The following PLCG2 variants were observed in gnomAD, a reference collection of about 807,000 sequenced individuals.
PLCG2 encodes 1-phosphatidylinositol 4,5-bisphosphate phosphodiesterase gamma-2.
Under a neutral mutation model 175.6 loss-of-function variants are expected in PLCG2, and 69 were observed. The observed-to-expected ratio is 0.39, with a 90% CI of 0.32 to 0.48. The LOEUF is 0.48. PLCG2 is among the 20% of genes least tolerant of loss of function. The pLI, the probability that PLCG2 is intolerant of heterozygous loss-of-function variation, is 0.91. For missense variants in PLCG2, 1,798 were observed against 1,650.9 expected, an observed-to-expected ratio of 1.09 and a Z score of -1.54; for synonymous variants, 827 against 624.0, an observed-to-expected ratio of 1.33 and a Z score of -4.85.
chr16:81,828,820 T>C (rs1015941683), intron 2 of PLCG2, among the ~76,000 whole-genome samples: 3 of 152,164 alleles, frequency 2.0e-5, no homozygotes, highest in African/African-American at 7.2e-5. Flanking sequence ...TCAACAAATG[T>C]GAATTTATTT....
intron 15 of PLCG2, chr16:81,906,233 C>T (rs1331948819): frequency 6.6e-6 from 1 of 152,220 alleles, no homozygotes; most frequent in East Asian, 1.9e-4. Context: ...GTACCCGGTG[C>T]TGCCGTGCAT....
intron 2 of PLCG2, among the ~76,000 whole-genome samples, chr16:81,819,602 T>A (rs1052988280): frequency 6.6e-6 from 1 of 152,220 alleles, no homozygotes; most frequent in Non-Finnish European, 1.5e-5. Context: ...TATTATTTTT[T>A]GAGACCAAGC....
At chr16:81,885,966 T>C (rs969077730) in intron 9 of PLCG2, among the ~76,000 whole-genome samples, 6 of 152,188 alleles carry the variant, frequency 3.9e-5, no homozygotes, top group African/African-American at 1.4e-4. Context: ...AGGTAATAAG[T>C]TAATTTTATT....
Position 81,934,454 on chromosome 16 carries a change from A to G in PLCG2, c.2765A>G (p.Lys922Arg). 2 of 1,613,094 alleles carry G rather than the reference A, an allele frequency of 1.2e-6. No homozygotes were observed. Among genetic ancestry groups the G allele is most frequent in the Non-Finnish European group, 1.7e-6 (2 of 1,179,150 alleles). Residue 922 changes from lysine to arginine, a missense_variant, in exon 26 of 33, where the codon AAG becomes AGG. Transcript: ENST00000564138. ...GAGAACAACATGAAGTACTGGGAGAAGAACCAGTCCATCGCCATCGAGCTC... is the reference window on the plus strand; with the variant it reads ...GAGAACAACATGAAGTACTGGGAGAGGAACCAGTCCATCGCCATCGAGCTC... ...TKENNMKYWEKNQSIAIELSD... is the reference protein window; with the variant it reads ...TKENNMKYWERNQSIAIELSD...
chr16:81,831,609 G>A (rs1036576199), intron 2 of PLCG2, among the ~76,000 whole-genome samples: 9 of 152,152 alleles, frequency 5.9e-5, no homozygotes, highest in Admixed American at 1.3e-4. Context: ...TGGGAAAGAG[G>A]GAGGCAGGTA....
chr16:81,923,884 G>C (rs945163166), intron 22 of PLCG2, among the ~76,000 whole-genome samples: 3 of 152,208 alleles, frequency 2.0e-5, no homozygotes, highest in Non-Finnish European at 4.4e-5. Context: ...CAAGCAGTCT[G>C]CTAATTGCTT....
intron 2 of PLCG2, among the ~76,000 whole-genome samples, chr16:81,797,407 C>T (rs1197324074): frequency 6.6e-6 from 1 of 152,138 alleles, no homozygotes; most frequent in Non-Finnish European, 1.5e-5. Flanking sequence ...AGGTGCTGTG[C>T]AGTTTGGGGT....
At chr16:81,783,734 A>C (rs1910847674) in intron 1 of PLCG2, among the ~76,000 whole-genome samples, 1 of 152,220 alleles carries the variant, frequency 6.6e-6, no homozygotes, top group Admixed American at 6.5e-5. Flanking sequence ...GAAATGGACC[A>C]TGGGGGCACC....
chr16:81,830,640 T>A (rs1905221837), intron 2 of PLCG2, among the ~76,000 whole-genome samples: 1 of 130,304 alleles, frequency 7.7e-6, no homozygotes, highest in Non-Finnish European at 1.6e-5. Flanking sequence ...AACAAAAAAA[T>A]GTGTGGGGTG....
intron 31 of PLCG2, among the ~76,000 whole-genome samples, chr16:81,948,469 G>T (rs908289931): frequency 3.3e-5 from 5 of 152,196 alleles, no homozygotes; most frequent in African/African-American, 1.2e-4. Context: ...TTTGTGCTGG[G>T]TAGGAGCTAA....
intron 7 of PLCG2, among the ~76,000 whole-genome samples, chr16:81,872,719 C>T (rs890636376): frequency 6.6e-6 from 1 of 152,192 alleles, no homozygotes; most frequent in Non-Finnish European, 1.5e-5. Flanking sequence ...TTGGGGAGTA[C>T]CTGGAACTTG....
chr16:81,819,805 C>T (rs762950045), intron 2 of PLCG2, among the ~76,000 whole-genome samples: 2 of 152,086 alleles, frequency 1.3e-5, no homozygotes, highest in African/African-American at 2.4e-5. Flanking sequence ...AGGCTGGTCT[C>T]GAACTCCTGA....
intron 2 of PLCG2, among the ~76,000 whole-genome samples, chr16:81,806,713 C>T (rs1904282906): frequency 6.6e-6 from 1 of 151,948 alleles, no homozygotes; most frequent in Non-Finnish European, 1.5e-5. Context: ...AGGTGTGGGG[C>T]TGGGGACATG....
chr16:81,914,194 A>T (rs1378909468), intron 19 of PLCG2, among the ~76,000 whole-genome samples: 1 of 152,214 alleles, frequency 6.6e-6, no homozygotes, highest in Non-Finnish European at 1.5e-5. Flanking sequence ...AATGATGGCA[A>T]CTAAACCCAA....
chr16:81,772,046 G>A (rs779783495), intron 2 of PLCG2, among the ~76,000 whole-genome samples: 11 of 152,138 alleles, frequency 7.2e-5, no homozygotes, highest in Non-Finnish European at 1.6e-4. Context: ...GCTTCCCAAA[G>A]TGCTGGGATT....
chr16:81,809,360 C>T (rs1443795851), intron 2 of PLCG2, among the ~76,000 whole-genome samples: 1 of 152,108 alleles, frequency 6.6e-6, no homozygotes, highest in Non-Finnish European at 1.5e-5. Flanking sequence ...GCTCCCTCAC[C>T]CTCAGTCAGG....
chr16:81,814,624 G>C (rs4077748), intron 2 of PLCG2, among the ~76,000 whole-genome samples: 9,587 of 152,220 alleles, frequency 0.063, 344 homozygotes, highest in Middle Eastern at 0.082. Flanking sequence ...GAACCCGGGA[G>C]GTGGAGGTTG....
At chr16:81,859,657 C>A (rs1597358858) in intron 5 of PLCG2, among the ~76,000 whole-genome samples, 1 of 152,128 alleles carries the variant, frequency 6.6e-6, no homozygotes, top group South Asian at 2.1e-4. Context: ...GCCTCAGCCT[C>A]CCAAGTACCT....
chr16:81,918,314 G>A (rs768999409), intron 19 of PLCG2, among the ~76,000 whole-genome samples: 22 of 152,198 alleles, frequency 1.4e-4, no homozygotes, highest in Non-Finnish European at 4.4e-5. Context: ...TTTTCTTCTA[G>A]TAGTTTTACA....
Sources: allele counts gnomAD v4.1 joint callset (sites outside exome capture counted in the v4.1 genomes callset), GRCh38; gene constraint gnomAD v4.1.1; transcripts MANE v1.5; gene names NCBI Gene and HGNC (gene_info 2026-07-23, HGNC 2026-07-21).